CNGB1: variants seen among roughly 807,000 people sequenced by gnomAD.
CNGB1 encodes the protein cyclic nucleotide-gated channel beta-1.
CNGB1 carries 126 observed loss-of-function variants against 151.7 expected under a neutral mutation model. The ratio of observed to expected loss-of-function variants is 0.83; its 90% CI spans 0.72 to 0.96. The LOEUF (loss-of-function observed/expected upper bound fraction) is 0.96, where lower values mean the gene tolerates loss of function less well. Among genes scored for constraint, CNGB1 ranks in the 40% least tolerant of loss-of-function variants. CNGB1 has a pLI of 0.00. For missense variants in CNGB1, 1,698 were observed against 1,627.0 expected (o/e 1.04, Z -0.75); for synonymous variants, 623 against 635.1 (o/e 0.98, Z 0.29).
chr16:57,947,199 C>T (rs946604578), intron 14 of CNGB1, among the ~76,000 whole-genome samples: 7 of 152,158 alleles, frequency 4.6e-5, no homozygotes, highest in Non-Finnish European at 7.3e-5. Context: ...ATTCTGAGAA[C>T]ATGTGTATAG....
At position 57,884,208 on chromosome 16, in the gene CNGB1, G is replaced by A; in HGVS notation, c.3712C>T (p.Leu1238=). 6.2e-7 allele frequency: 1 copy of A among 1,614,060 alleles called. No individual in the cohort carries two copies. Among genetic ancestry groups the A allele is most frequent in the African/African-American group, 1.3e-5 (1 of 75,062 alleles). ...CTTTCCTCCGGCATCTTCACCGACAGGATCTGCTCTCCCGGCTCCGGGCCC... is the reference window on the plus strand; with the variant it reads ...CTTTCCTCCGGCATCTTCACCGACAAGATCTGCTCTCCCGGCTCCGGGCCC... The part of the protein sequence containing the change: ...SPGPEPGEQI[L]SVKMPEEREE... Residue 1238 remains leucine (L), a synonymous_variant, in exon 33 of 33, where the codon CTG becomes TTG. Transcript: ENST00000251102.
At chr16:57,922,431 C>CTTTTTTTTT (rs60969134) in intron 18 of CNGB1, among the ~76,000 whole-genome samples, 12 of 136,524 alleles carry the variant, frequency 8.8e-5, no homozygotes, top group African/African-American at 2.4e-4. Context: ...TTCTTTCTTT[C>CTTTTTTTTT]TTTTTTTTTT....
At chr16:57,950,998 C>T (rs991108899) in intron 12 of CNGB1, among the ~76,000 whole-genome samples, 5 of 152,126 alleles carry the variant, frequency 3.3e-5, no homozygotes, top group Admixed American at 3.3e-4. Context: ...TAGATGCCAC[C>T]CCCGGGTGAC....
chr16:57,954,560 C>A lies in CNGB1; in HGVS notation c.874+2781G>T, dbSNP rs79904606. On this transcript the variant is annotated intron_variant, in intron 12 of 32. Coordinates refer to ENST00000251102, the MANE Select transcript of CNGB1 (RefSeq NM_001297.5). Reference sequence around the variant, plus strand: ...CCCAGCTCAGGACCCCTGGCTAATTCCTCTCCTCCTGCAACCCAACACCGC... The same window carrying A: ...CCCAGCTCAGGACCCCTGGCTAATTACTCTCCTCCTGCAACCCAACACCGC... 1,238 of 515,584 alleles carry A rather than the reference C, an allele frequency of 2.4e-3. 15 individuals are homozygous for A. Among genetic ancestry groups the A allele is most frequent in the African/African-American group, 0.023 (1,130 of 48,234 alleles). The allele number at this position is 515,584 out of a possible 1,614,324, so 31.9% of individuals were successfully genotyped here.
At chr16:57,953,892 A>AAAG (rs1567394040) in intron 12 of CNGB1, among the ~76,000 whole-genome samples, 19 of 152,082 alleles carry the variant, frequency 1.2e-4, no homozygotes, top group Admixed American at 7.2e-4. Context: ...AAGAAAGAAA[A>AAAG]AAAAAACAAC....
chr16:57,897,193 A>T (rs184980862), intron 31 of CNGB1, among the ~76,000 whole-genome samples: 4 of 150,964 alleles, frequency 2.6e-5, no homozygotes, highest in Admixed American at 2.6e-4. Context: ...TCCCAGCTAC[A>T]TGGGAGGCTG....
intron 16 of CNGB1, among the ~76,000 whole-genome samples, chr16:57,934,555 C>T (rs1961451637): frequency 6.6e-6 from 1 of 152,234 alleles, no homozygotes; most frequent in South Asian, 2.1e-4. Context: ...CCCCCTGTGT[C>T]AATGTGTCCC....
At chr16:57,904,933 A>G (rs1960505228) in intron 25 of CNGB1, 58 bp from the exon 26 acceptor site, 1 of 1,609,950 alleles carries the variant, frequency 6.2e-7, no homozygotes, top group Non-Finnish European at 8.5e-7. Context: ...TGCCGCCCCG[A>G]GCAGTCTGGC....
chr16:57,912,382 G>T (rs893055999), intron 24 of CNGB1, among the ~76,000 whole-genome samples: 5 of 152,154 alleles, frequency 3.3e-5, no homozygotes, highest in Non-Finnish European at 7.4e-5. Context: ...TAAGCCCCTC[G>T]TGCCAGCTGA....
intron 15 of CNGB1, among the ~76,000 whole-genome samples, chr16:57,940,018 C>G (rs1961622247): frequency 6.6e-6 from 1 of 152,198 alleles, no homozygotes; most frequent in South Asian, 2.1e-4. Context: ...CACAGGAGGA[C>G]TCGAGCTGGG....
intron 2 of CNGB1, among the ~76,000 whole-genome samples, chr16:57,965,870 T>C (rs1962385195): frequency 6.6e-6 from 1 of 152,226 alleles, no homozygotes; most frequent in Admixed American, 6.5e-5. Flanking sequence ...TACATTGTCA[T>C]GTATACCCAT....
rs999768051 is a variant in CNGB1, at chr16:57,882,966, C to T, written c.*1198G>A. On this transcript the variant is annotated 3_prime_UTR_variant, in exon 33 of 33. Coordinates refer to ENST00000251102, the MANE Select transcript of CNGB1 (RefSeq NM_001297.5). ...TCAAAAGTGAGTAACGGACTGATCC[C>T]TGCTGGCGAATGGGGTTTCTCAGGA... 1.3e-5 allele frequency: 2 copies of T among 152,140 alleles called. No individual in the cohort carries two copies. The highest frequency in any genetic ancestry group is 6.5e-5 in the Admixed American group (1 of 15,278). The allele number at this position is 152,140 out of a possible 1,614,324, so 9.4% of individuals were successfully genotyped here.
chr16:57,903,813 C>G lies in CNGB1; in HGVS notation c.2794+9G>C. The G allele has an allele frequency of 6.2e-7, 1 of 1,613,990 alleles. No individual in the cohort carries two copies. Among genetic ancestry groups the G allele is most frequent in the Non-Finnish European group, 8.5e-7 (1 of 1,179,996 alleles). ...GGAGCTGGTGGCTGCCAGGGCGTGA[C>G]CATCTTACCCAGCATGCCTTGCGAG... On this transcript the variant is annotated intron_variant, in intron 27 of 32. Transcript: ENST00000251102.
Position 57,884,010 on chromosome 16 carries a change from C to A in CNGB1, c.*154G>T. 9.4e-7 allele frequency: 1 copy of A among 1,065,056 alleles called. No homozygotes were observed. Among genetic ancestry groups the A allele is most frequent in the Non-Finnish European group, 1.4e-6 (1 of 716,352 alleles). The allele number at this position is 1,065,056 out of a possible 1,614,324, so 66.0% of individuals were successfully genotyped here. A position where few individuals can be genotyped will look rare whatever the true frequency, so the allele number is the denominator to read the frequency against. On this transcript the variant is annotated 3_prime_UTR_variant, in exon 33 of 33. Coordinates refer to ENST00000251102, the MANE Select transcript of CNGB1 (RefSeq NM_001297.5). ...AGCTGAGTCGGGGCTGGCGTGCTGG[C>A]GGGACGGTCAGAGCTGCAGCCACTG... is the stretch of plus-strand genomic sequence containing the variant.
intron 14 of CNGB1, among the ~76,000 whole-genome samples, 174 bp downstream of exon 14, chr16:57,949,179 T>G (rs1567391864): frequency 6.6e-6 from 1 of 152,004 alleles, no homozygotes; most frequent in Admixed American, 6.5e-5. Flanking sequence ...CAGGTCATGA[T>G]GAGCACAGCA....
intron 12 of CNGB1, among the ~76,000 whole-genome samples, chr16:57,953,262 C>T (rs1962002795): frequency 1.3e-5 from 2 of 152,242 alleles, no homozygotes; most frequent in Non-Finnish European, 2.9e-5. Flanking sequence ...TTTGGGAGGC[C>T]GAGGTCGGCA....
intron 3 of CNGB1, 32 bp downstream of exon 3, chr16:57,964,455 A>G: frequency 6.2e-7 from 1 of 1,613,384 alleles, no homozygotes; most frequent in East Asian, 2.2e-5. Context: ...CCCCCCTGCC[A>G]TGCCAGCCTG....
chr16:57,888,078 G>T lies in CNGB1; in HGVS notation c.3243-4C>A. The T allele has an allele frequency of 6.2e-7, 1 of 1,613,262 alleles. No individual in the cohort carries two copies. Among genetic ancestry groups the T allele is most frequent in the South Asian group, 1.1e-5 (1 of 91,074 alleles). On this transcript the variant is annotated splice_region_variant and splice_polypyrimidine_tract_variant and intron_variant, in intron 31 of 32. Coordinates refer to ENST00000251102, the MANE Select transcript of CNGB1 (RefSeq NM_001297.5). ...ATTGTTGCTTCTCAGCATGCGCCTG[G>T]AAGAAAGCAGCATCCATTGACATCA...
intron 25 of CNGB1, among the ~76,000 whole-genome samples, chr16:57,910,621 G>A (rs1382122233): frequency 2.7e-5 from 4 of 149,388 alleles, no homozygotes; most frequent in Non-Finnish European, 4.4e-5. Flanking sequence ...TGATCTGCCC[G>A]CCTCAGCCTC....
Sources: gnomAD v4.1 joint callset for allele counts (sites outside exome capture counted in the v4.1 genomes callset) on GRCh38, gnomAD v4.1.1 for gene constraint, MANE v1.5 for transcripts, NCBI Gene and HGNC (gene_info 2026-07-23, HGNC 2026-07-21) for gene names.